Variants in RPSA2 observed in about 807,000 individuals in gnomAD.
RPSA2 encodes the protein small ribosomal subunit protein uS2B.
At chr19:23,794,307 C>T in the RPSA2 span, among the ~76,000 whole-genome samples, 1 of 152,180 alleles carries the variant, frequency 6.6e-6, no homozygotes, top group Non-Finnish European at 1.5e-5. Context: ...AATTAATGTA[C>T]ACTCTTTAAC....
At chr19:23,809,521 G>T in the RPSA2 span, 9 of 151,358 alleles carry the variant, frequency 5.9e-5, no homozygotes, top group African/African-American at 1.9e-4. Flanking sequence ...ATTTATTTGT[G>T]TCCTCTAATT....
the RPSA2 span, among the ~76,000 whole-genome samples, chr19:23,805,007 G>A: frequency 1.3e-5 from 2 of 152,182 alleles, no homozygotes; most frequent in African/African-American, 4.8e-5. Flanking sequence ...CCAGGAACCT[G>A]TTCTGTTTGG....
chr19:23,858,626 G>A, the RPSA2 span, among the ~76,000 whole-genome samples: 1 of 152,160 alleles, frequency 6.6e-6, no homozygotes, highest in Non-Finnish European at 1.5e-5. Flanking sequence ...AAATCGAGCT[G>A]CAAACATAGA....
the RPSA2 span, among the ~76,000 whole-genome samples, chr19:23,853,392 G>A: frequency 2.0e-5 from 3 of 152,144 alleles, no homozygotes; most frequent in Non-Finnish European, 4.4e-5. Context: ...AGAATTCCAG[G>A]GGGGAAAGAA....
chr19:23,814,010 C>T, the RPSA2 span, among the ~76,000 whole-genome samples: 1 of 151,590 alleles, frequency 6.6e-6, no homozygotes, highest in East Asian at 1.9e-4. Context: ...CGTGAGCCAC[C>T]GTGCCAGCCA....
chr19:23,858,084 T>A, the RPSA2 span, among the ~76,000 whole-genome samples: 4 of 146,394 alleles, frequency 2.7e-5, no homozygotes, highest in African/African-American at 1.0e-4. Flanking sequence ...AGACTCTGTA[T>A]AAGTTTCTTG....
chr19:23,790,862 G>A, the RPSA2 span: 2,673 of 515,128 alleles, frequency 5.2e-3, 95 homozygotes, highest in Admixed American at 0.062. Flanking sequence ...AGGCCTCCCC[G>A]CAGTCAGCTC....
the RPSA2 span, among the ~76,000 whole-genome samples, chr19:23,762,042 T>G: frequency 6.6e-6 from 1 of 151,020 alleles, no homozygotes; most frequent in South Asian, 2.1e-4. Context: ...CTCAGCCTCC[T>G]GAGTAGCTGG....
At chr19:23,771,496 C>A in the RPSA2 span, among the ~76,000 whole-genome samples, 110 of 152,254 alleles carry the variant, frequency 7.2e-4, no homozygotes, top group African/African-American at 2.6e-3. Context: ...AATCTCATAC[C>A]TCCACCTTCA....
chr19:23,790,757 G>A, the RPSA2 span: 9 of 474,042 alleles, frequency 1.9e-5, no homozygotes, highest in African/African-American at 1.0e-4. Context: ...GCCAGGACCC[G>A]CTGAAAGCCT....
chr19:23,852,327 G>A, the RPSA2 span, among the ~76,000 whole-genome samples: 7 of 113,536 alleles, frequency 6.2e-5, no homozygotes, highest in African/African-American at 1.0e-4. Flanking sequence ...CTAACCCAGC[G>A]GCGCTAGAGG....
At chr19:23,771,379 T>A in the RPSA2 span, among the ~76,000 whole-genome samples, 1 of 152,238 alleles carries the variant, frequency 6.6e-6, no homozygotes, top group Admixed American at 6.5e-5. Flanking sequence ...ATTGAGGTTT[T>A]CATACACAAA....
chr19:23,861,146 C>A, the RPSA2 span, among the ~76,000 whole-genome samples: 1 of 152,288 alleles, frequency 6.6e-6, no homozygotes, highest in South Asian at 2.1e-4. Flanking sequence ...ATGTTATGAA[C>A]CACTTCGGAT....
the RPSA2 span, among the ~76,000 whole-genome samples, chr19:23,831,013 A>G: frequency 3.9e-5 from 6 of 152,142 alleles, no homozygotes; most frequent in South Asian, 6.2e-4. Flanking sequence ...TTTTTAATTA[A>G]CAGAGTTTAC....
chr19:23,812,943 C>T, the RPSA2 span, among the ~76,000 whole-genome samples: 1 of 152,088 alleles, frequency 6.6e-6, no homozygotes, highest in African/African-American at 2.4e-5. Flanking sequence ...ATACATGTCA[C>T]AGCCAGGCAT....
At chr19:23,796,615 T>C in the RPSA2 span, among the ~76,000 whole-genome samples, 1 of 152,124 alleles carries the variant, frequency 6.6e-6, no homozygotes, top group African/African-American at 2.4e-5. Flanking sequence ...TTATTACTAA[T>C]TCAATTTTTG....
At chr19:23,870,516 G>A in the RPSA2 span, among the ~76,000 whole-genome samples, 2 of 31,592 alleles carry the variant, frequency 6.3e-5, no homozygotes, top group African/African-American at 9.0e-5. Context: ...CTTTGACATT[G>A]GTGAATTACA....
At chr19:23,799,658 C>A in the RPSA2 span, among the ~76,000 whole-genome samples, 1 of 55,144 alleles carries the variant, frequency 1.8e-5, no homozygotes, top group African/African-American at 6.0e-5. Flanking sequence ...GTAACCCCGT[C>A]CTCAGGGAGG....
At chr19:23,778,979 A>G in the RPSA2 span, among the ~76,000 whole-genome samples, 138,205 of 141,928 alleles carry the variant, frequency 0.97, 67,420 homozygotes, top group Middle Eastern at 1. Context: ...CCTTCTGCTC[A>G]GTGATTTTTG....
Sources: gnomAD v4.1 joint callset for allele counts (sites outside exome capture counted in the v4.1 genomes callset) on GRCh38, gnomAD v4.1.1 for gene constraint, MANE v1.5 for transcripts, NCBI Gene and HGNC (gene_info 2026-07-23, HGNC 2026-07-21) for gene names.